The following MDGA2 variants were observed in gnomAD, a reference collection of about 807,000 sequenced individuals.
MDGA2 encodes MAM domain containing glycosylphosphatidylinositol anchor 2.
MDGA2 carries 40 observed loss-of-function variants against 117.8 expected under a neutral mutation model. The observed-to-expected ratio is 0.34, with a 90% CI of 0.26 to 0.44. The LOEUF is 0.44. MDGA2 is among the 20% of genes least tolerant of loss of function. The pLI, the probability that MDGA2 is intolerant of heterozygous loss-of-function variation, is 1.00. For synonymous variants in MDGA2, 452 were observed against 439.0 expected (o/e 1.03, Z -0.37); for missense variants, 1,123 against 1,250.6 (o/e 0.90, Z 1.54).
chr14:47,155,885 C>CTTTTTTT (rs1883353082), intron 3 of MDGA2, among the ~76,000 whole-genome samples: 1 of 80,442 alleles, frequency 1.2e-5, no homozygotes, highest in South Asian at 5.3e-4. Flanking sequence ...TCTTCTTCTT[C>CTTTTTTT]TTCTTTTTTT....
At chr14:47,573,939 A>T (rs1431495325) in intron 1 of MDGA2, among the ~76,000 whole-genome samples, 1 of 152,190 alleles carries the variant, frequency 6.6e-6, no homozygotes, top group African/African-American at 2.4e-5. Context: ...AATACTTTCA[A>T]TTCTATGGAC....
intron 1 of MDGA2, among the ~76,000 whole-genome samples, chr14:47,575,795 A>C (rs993807511): frequency 6.6e-6 from 1 of 152,210 alleles, no homozygotes; most frequent in Admixed American, 6.5e-5. Flanking sequence ...TTACTAAAAG[A>C]CAATTTAATA....
chr14:47,449,756 G>A (rs1025238015), intron 1 of MDGA2, among the ~76,000 whole-genome samples: 13 of 151,994 alleles, frequency 8.6e-5, no homozygotes, highest in Non-Finnish European at 1.5e-4. Flanking sequence ...GGCAGACATC[G>A]ACCAACTTTT....
intron 1 of MDGA2, among the ~76,000 whole-genome samples, chr14:47,647,479 T>C (rs1449546396): frequency 6.6e-6 from 1 of 152,146 alleles, no homozygotes; most frequent in Non-Finnish European, 1.5e-5. Flanking sequence ...CTTCTCCATT[T>C]GGCTCAGGGA....
At chr14:47,399,773 T>C (rs1892095384) in intron 1 of MDGA2, among the ~76,000 whole-genome samples, 1 of 152,074 alleles carries the variant, frequency 6.6e-6, no homozygotes, top group Non-Finnish European at 1.5e-5. Context: ...GTTAAAAAAA[T>C]GCTGTATAAC....
intron 1 of MDGA2, among the ~76,000 whole-genome samples, chr14:47,628,874 C>G (rs990482653): frequency 6.6e-6 from 1 of 152,152 alleles, no homozygotes; most frequent in Non-Finnish European, 1.5e-5. Flanking sequence ...CTTGCAGGGA[C>G]ACTCATACTC....
chr14:47,597,305 AAC>A (rs1896561359), intron 1 of MDGA2, among the ~76,000 whole-genome samples: 1 of 152,190 alleles, frequency 6.6e-6, no homozygotes, highest in Admixed American at 6.6e-5. Flanking sequence ...CCAACTTTTA[AAC>A]AAAATGAATA....
At chr14:47,214,324 CTGTG>C (rs1886007342) in intron 3 of MDGA2, among the ~76,000 whole-genome samples, 1 of 152,046 alleles carries the variant, frequency 6.6e-6, no homozygotes, top group Admixed American at 6.6e-5. Context: ...ATTCAAGTCA[CTGTG>C]TGGTTATAAA....
intron 7 of MDGA2, 50 bp from the exon 8 acceptor site, chr14:47,035,354 G>C: frequency 1.4e-6 from 2 of 1,419,268 alleles, no homozygotes; most frequent in South Asian, 2.7e-5. Context: ...AACTGGTAAA[G>C]CATATTCAGA....
At chr14:47,349,314 A>C (rs1328379664) in intron 1 of MDGA2, among the ~76,000 whole-genome samples, 1 of 152,232 alleles carries the variant, frequency 6.6e-6, no homozygotes, top group African/African-American at 2.4e-5. Flanking sequence ...AGTCATTCAA[A>C]GAGATCAAAT....
chr14:47,561,158 G>GTTTTTTTTTTTTTTTTTTTTTTTTTTT (rs200625450), intron 1 of MDGA2, among the ~76,000 whole-genome samples: 3 of 55,074 alleles, frequency 5.4e-5, no homozygotes, highest in Admixed American at 5.0e-4. Context: ...TTTTTGTTTT[G>GTTTTTTTTTTTTTTTTTTTTTTTTTTT]TTTTGTTTTT....
intron 6 of MDGA2, among the ~76,000 whole-genome samples, chr14:47,080,838 T>C (rs577900465): frequency 4.5e-4 from 69 of 152,336 alleles, no homozygotes; most frequent in Admixed American, 3.3e-3. Flanking sequence ...TCAATCTCCA[T>C]CTTGCTGCTG....
chr14:47,301,480 C>A lies in MDGA2; in HGVS notation c.351G>T (p.Arg117Ser). 6.4e-7 allele frequency: 1 copy of A among 1,551,710 alleles called. No homozygotes were observed. Among genetic ancestry groups the A allele is most frequent in the Non-Finnish European group, 8.7e-7 (1 of 1,146,992 alleles). ...TTTCTCCTTCCCGGATAGTGTAGACCCTTTCGGAGTAGCGCTCCTCTTCAA... is the reference window on the plus strand; with the variant it reads ...TTTCTCCTTCCCGGATAGTGTAGACACTTTCGGAGTAGCGCTCCTCTTCAA... Reference protein sequence around the residue: ...CNIEEERYSERVYTIREGETL... With the variant: ...CNIEEERYSESVYTIREGETL... Residue 117 changes from arginine (R) to serine (S), a missense_variant, in exon 2 of 17, where the codon AGG becomes AGT. Around this residue, in one of 2 missense-constraint regions of MDGA2, gnomAD observed 233 missense variants for 200.3 expected, o/e 1.16. Coordinates refer to ENST00000399232, the MANE Select transcript of MDGA2 (RefSeq NM_001113498.3).
In MDGA2 at chr14:47,301,419, G is replaced by A. The variant is rs956543842; in HGVS notation, c.412C>T (p.Arg138Cys). 9.7e-6 allele frequency: 15 copies of A among 1,551,710 alleles called. No individual in the cohort carries two copies. Among genetic ancestry groups the A allele is most frequent in the Middle Eastern group, 1.7e-4 (1 of 6,002 alleles). The change falls in exon 2 of 17, where the codon CGT (arginine) becomes TGT (cysteine). Residue 138 changes from arginine (R) to cysteine (C), a missense_variant. Arg to Cys is a radical substitution (Grantham distance 180). This residue lies in a region of MDGA2 where 233 missense variants were observed against 200.3 expected (regional missense o/e 1.16). Transcript: ENST00000399232. ...ELTCLVTGHP[R>C]PQIRWTKTAG... ...CACAGTTCGGGACTCACCTGTGGACGTGGATGTCCTGTGACTAGACAAGTC... is the reference window on the plus strand; with the variant it reads ...CACAGTTCGGGACTCACCTGTGGACATGGATGTCCTGTGACTAGACAAGTC...
intron 8 of MDGA2, among the ~76,000 whole-genome samples, chr14:46,961,387 C>T (rs1352642848): frequency 6.6e-6 from 1 of 152,076 alleles, no homozygotes; most frequent in Non-Finnish European, 1.5e-5. Flanking sequence ...AAATTTTGCA[C>T]TTGTTGGTTT....
At chr14:47,174,162 CCTACAAAGAGA>C (rs1240173453) in intron 3 of MDGA2, among the ~76,000 whole-genome samples, 2 of 152,084 alleles carry the variant, frequency 1.3e-5, no homozygotes, top group African/African-American at 4.8e-5. Flanking sequence ...TCCTGAGTGA[CCTACAAAGAGA>C]CTTAGACTCC....
intron 1 of MDGA2, among the ~76,000 whole-genome samples, chr14:47,672,280 T>C (rs143591052): frequency 6.6e-6 from 1 of 152,182 alleles, no homozygotes; most frequent in Non-Finnish European, 1.5e-5. Flanking sequence ...GCTACATGAC[T>C]AATAACCACA....
chr14:47,305,657 A>G (rs1018142889), intron 1 of MDGA2, among the ~76,000 whole-genome samples: 2 of 152,202 alleles, frequency 1.3e-5, no homozygotes, highest in African/African-American at 4.8e-5. Flanking sequence ...GCGTATATTT[A>G]TTGAGCAGCT....
At chr14:47,357,568 A>C (rs1474180135) in intron 1 of MDGA2, among the ~76,000 whole-genome samples, 1 of 152,162 alleles carries the variant, frequency 6.6e-6, no homozygotes, top group African/African-American at 2.4e-5. Context: ...GATACACAGA[A>C]TGGCTGCATT....
Sources: gnomAD v4.1 joint callset for allele counts (sites outside exome capture counted in the v4.1 genomes callset) on GRCh38, gnomAD v4.1.1 for gene constraint, gnomAD v4.1.1 regional missense constraint, MANE v1.5 for transcripts, NCBI Gene and HGNC (gene_info 2026-07-23, HGNC 2026-07-21) for gene names.